Variants in MPP7 observed in about 807,000 individuals in gnomAD.
The protein encoded by MPP7 is MAGUK p55 scaffold protein 7.
MPP7 carries 60 observed loss-of-function variants against 76.5 expected under a neutral mutation model. The observed-to-expected ratio is 0.78, with a 90% CI of 0.64 to 0.97. MPP7 has a LOEUF of 0.97. Ranked by LOEUF, MPP7 falls within the 50% of genes least tolerant of loss-of-function variation. MPP7 has a pLI of 0.00. For synonymous variants in MPP7, 237 were observed against 244.5 expected (o/e 0.97, Z 0.29); for missense variants, 641 against 694.0 (o/e 0.92, Z 0.86).
intron 1 of MPP7, among the ~76,000 whole-genome samples, chr10:28,297,060 G>T (rs1412936341): frequency 6.6e-6 from 1 of 152,198 alleles, no homozygotes; most frequent in African/African-American, 2.4e-5. Context: ...TTCAATAGGA[G>T]AGGTTATTTC....
In MPP7 at chr10:28,124,101, C is replaced by G. The variant is rs752908091; in HGVS notation, c.545G>C (p.Gly182Ala). ...CCCGTTGACTTCCCTAAGTTCATCA[C>G]CAACATGAATAAGACCTGAGAAATA... ...AADRSGLIHV[G>A]DELREVNGIP... The change falls in exon 8 of 17, where the codon GGT becomes GCT. Residue 182 changes from glycine (G) to alanine (A), a missense_variant. By Grantham distance (60) the Gly-to-Ala change is moderately conservative. Transcript: ENST00000683449. The G allele has an allele frequency of 1.2e-6, 2 of 1,609,842 alleles. No individual in the cohort carries two copies. The highest frequency in any genetic ancestry group is 1.7e-6 in the Non-Finnish European group (2 of 1,176,384).
chr10:28,127,387 TGTTAGAGA>T (rs1835050946), intron 6 of MPP7, among the ~76,000 whole-genome samples: 1 of 152,176 alleles, frequency 6.6e-6, no homozygotes, highest in Admixed American at 6.5e-5. Context: ...TTATACAGTA[TGTTAGAGA>T]GTTAGTCTGT....
Position 28,054,149 on chromosome 10 carries a change from A to C in MPP7, c.1647T>G (p.Thr549=). ...FDKIIINDDL[T]VAFNELKTTF... is the part of the protein sequence containing the mutation. ...TTGTTTTGAGCTCATTGAATGCCAC[A>C]GTGAGGTCATCATTTATTATAATTT... is the stretch of plus-strand genomic sequence containing the variant. Residue 549 remains threonine (T), a synonymous_variant, in exon 17 of 17, where the codon ACT becomes ACG. Transcript: ENST00000683449. 1 of 1,611,608 alleles carries C rather than the reference A, an allele frequency of 6.2e-7. No homozygotes were observed. Among genetic ancestry groups the C allele is most frequent in the Non-Finnish European group, 8.5e-7 (1 of 1,178,142 alleles).
intron 3 of MPP7, among the ~76,000 whole-genome samples, chr10:28,193,635 C>G (rs777115784): frequency 3.3e-5 from 5 of 152,010 alleles, no homozygotes; most frequent in Non-Finnish European, 7.4e-5. Flanking sequence ...AATGAAAAGA[C>G]AAACTGGGAG....
chr10:28,095,121 T>C (rs1395354871), intron 11 of MPP7, among the ~76,000 whole-genome samples: 1 of 150,876 alleles, frequency 6.6e-6, no homozygotes, highest in African/African-American at 2.4e-5. Flanking sequence ...TTTTACTTAC[T>C]CCCCTGATTC....
At chr10:28,095,194 C>CATAT (rs10528025) in intron 11 of MPP7, among the ~76,000 whole-genome samples, 1,919 of 130,732 alleles carry the variant, frequency 0.015, 42 homozygotes, top group African/African-American at 0.036. Flanking sequence ...CACACATATG[C>CATAT]ATATATATAT....
At chr10:28,301,246 C>T (rs908606147) in intron 1 of MPP7, among the ~76,000 whole-genome samples, 1 of 152,146 alleles carries the variant, frequency 6.6e-6, no homozygotes, top group African/African-American at 2.4e-5. Context: ...TTAGTATTTT[C>T]CTTCTGCATA....
chr10:28,135,037 C>T (rs370430334), intron 5 of MPP7, among the ~76,000 whole-genome samples: 19 of 152,168 alleles, frequency 1.2e-4, no homozygotes, highest in African/African-American at 4.3e-4. Flanking sequence ...ATAATGAAAC[C>T]ATAGTTTTCA....
chr10:28,134,865 A>C (rs1835306746), intron 5 of MPP7, among the ~76,000 whole-genome samples: 1 of 152,168 alleles, frequency 6.6e-6, no homozygotes, highest in South Asian at 2.1e-4. Context: ...TAGACACCAG[A>C]AGACAGTTCA....
At chr10:28,325,378 C>T (rs1212063905) in intron 2 of MPP7, among the ~76,000 whole-genome samples, 4 of 152,110 alleles carry the variant, frequency 2.6e-5, no homozygotes, top group Middle Eastern at 3.4e-3. Flanking sequence ...TGGCCAGGTG[C>T]GGTGGCTCAT....
chr10:28,062,068 G>A (rs1588711310), intron 13 of MPP7, among the ~76,000 whole-genome samples: 1 of 152,054 alleles, frequency 6.6e-6, no homozygotes, highest in East Asian at 1.9e-4. Flanking sequence ...TCAGGAATGA[G>A]GAAAGAACAA....
intron 12 of MPP7, among the ~76,000 whole-genome samples, chr10:28,079,590 T>A (rs758869936): frequency 2.0e-5 from 3 of 152,146 alleles, no homozygotes; most frequent in Non-Finnish European, 4.4e-5. Flanking sequence ...AAACCATACA[T>A]GCACTGAAAG....
chr10:28,178,934 G>T (rs1836966193), intron 3 of MPP7, among the ~76,000 whole-genome samples: 1 of 152,106 alleles, frequency 6.6e-6, no homozygotes, highest in South Asian at 2.1e-4. Context: ...AAAAGTTGAA[G>T]AAATCTCTTT....
At chr10:28,080,418 A>G (rs1852704416) in intron 12 of MPP7, among the ~76,000 whole-genome samples, 1 of 152,186 alleles carries the variant, frequency 6.6e-6, no homozygotes, top group Non-Finnish European at 1.5e-5. Context: ...TTCAAAATCT[A>G]TCCTGTCTGT....
At chr10:28,057,875 G>C in intron 15 of MPP7, 1 of 1,215,588 alleles carries the variant, frequency 8.2e-7, no homozygotes, top group Non-Finnish European at 1.0e-6. Flanking sequence ...AATGCTGTGG[G>C]CTGGGGATCT....
At chr10:28,219,722 C>G (rs1284302538) in intron 2 of MPP7, among the ~76,000 whole-genome samples, 2 of 152,018 alleles carry the variant, frequency 1.3e-5, no homozygotes, top group African/African-American at 2.4e-5. Flanking sequence ...CGGACCAAAA[C>G]GTTTTACTAT....
At chr10:28,189,248 G>A (rs1837329130) in intron 3 of MPP7, among the ~76,000 whole-genome samples, 1 of 152,086 alleles carries the variant, frequency 6.6e-6, no homozygotes, top group African/African-American at 2.4e-5. Context: ...TGTACTACCT[G>A]TGAAATGACA....
At chr10:28,275,476 C>T (rs1564750737) in intron 1 of MPP7, among the ~76,000 whole-genome samples, 3 of 151,116 alleles carry the variant, frequency 2.0e-5, no homozygotes, top group Non-Finnish European at 2.9e-5. Context: ...GCGCAATCTC[C>T]GTTCACTGCA....
intron 14 of MPP7, among the ~76,000 whole-genome samples, chr10:28,058,827 A>G (rs931798558): frequency 6.6e-6 from 1 of 152,230 alleles, no homozygotes; most frequent in African/African-American, 2.4e-5. Context: ...CTTAAGCAGA[A>G]AAAAAGTACT....
Sources: gnomAD v4.1 joint callset for allele counts (sites outside exome capture counted in the v4.1 genomes callset) on GRCh38, gnomAD v4.1.1 for gene constraint, MANE v1.5 for transcripts, NCBI Gene and HGNC (gene_info 2026-07-23, HGNC 2026-07-21) for gene names.